Variants in PCYT1A observed in about 807,000 individuals in gnomAD.
PCYT1A encodes the protein choline-phosphate cytidylyltransferase A.
In PCYT1A, 25 loss-of-function variants were observed where a neutral mutation model predicts 43.7. The observed-to-expected ratio is 0.57, with a 90% confidence interval of 0.42 to 0.80. PCYT1A has a LOEUF of 0.80. Among genes scored for constraint, PCYT1A ranks in the 30% least tolerant of loss-of-function variants. The pLI is 0.00. For synonymous variants in PCYT1A, 172 were observed against 170.7 expected (o/e 1.01, Z -0.06); for missense variants, 421 against 474.2 (o/e 0.89, Z 1.04).
rs780568326 is a variant in PCYT1A at position 196,248,358 on chromosome 3, C to T, written c.218-35G>A. ...AATGAAAGAATTGATCACAAAAATA[C>T]CTTTTTTTTTGTCATTTTTATTTTT... On this transcript the variant is annotated intron_variant, in intron 3 of 8. Coordinates refer to ENST00000431016, the MANE Select transcript of PCYT1A (RefSeq NM_001312673.2). The T allele has an allele frequency of 1.3e-5, 17 of 1,267,970 alleles. 1 individual carries two copies. Among genetic ancestry groups the T allele is most frequent in the Non-Finnish European group, 2.0e-5 (17 of 868,732 alleles). The allele number at this position is 1,267,970 out of a possible 1,614,324, so 78.5% of individuals were successfully genotyped here. A position where few individuals can be genotyped will look rare whatever the true frequency, so the allele number is the denominator to read the frequency against.
chr3:196,276,938 A>G (rs1004573764), intron 1 of PCYT1A, among the ~76,000 whole-genome samples: 1 of 151,842 alleles, frequency 6.6e-6, no homozygotes, highest in African/African-American at 2.4e-5. Context: ...CCTTTCTCAA[A>G]AAAAAAAAAG....
At chr3:196,272,440 T>A (rs537163463) in intron 1 of PCYT1A, among the ~76,000 whole-genome samples, 1 of 152,328 alleles carries the variant, frequency 6.6e-6, no homozygotes, top group South Asian at 2.1e-4. Context: ...TGCCTCGTCC[T>A]CCAAAAGTGC....
intron 5 of PCYT1A, among the ~76,000 whole-genome samples, chr3:196,245,039 A>G (rs949390292): frequency 2.0e-5 from 3 of 152,178 alleles, no homozygotes; most frequent in South Asian, 2.1e-4. Context: ...CTATTGTCCT[A>G]TGACCCTGCC....
At position 196,282,381 on chromosome 3, in the gene PCYT1A, T is replaced by C. The variant is rs1476635193; in HGVS notation, c.-11+5234A>G. 6.6e-6 allele frequency among the ~76,000 whole-genome samples: 1 copy of C among 152,242 alleles called. No individual in the cohort carries two copies. Among genetic ancestry groups the C allele is most frequent in the Non-Finnish European group, 1.5e-5 (1 of 68,046 alleles). On this transcript the variant is annotated intron_variant, in intron 1 of 8. Transcript: ENST00000431016. This position sits in a 1 kb window ranked among gnomAD's most constrained non-coding sequence, Gnocchi z 4.3. ...AAACTCTTGTGTTTAGAATGTGATC[T>C]TCCTAGAGTGGGTTATGGAACTCAT...
At chr3:196,241,264 T>G (rs1724343093) in intron 7 of PCYT1A, among the ~76,000 whole-genome samples, 1 of 150,326 alleles carries the variant, frequency 6.7e-6, no homozygotes, top group African/African-American at 2.5e-5. Flanking sequence ...GCCACTGCAC[T>G]CCAGCCTCGG....
intron 5 of PCYT1A, among the ~76,000 whole-genome samples, chr3:196,246,207 C>A (rs577186888): frequency 1.3e-5 from 2 of 152,288 alleles, no homozygotes; most frequent in Non-Finnish European, 2.9e-5. Context: ...TTCAGGCCTA[C>A]CCACGTATTG....
chr3:196,279,116 G>A (rs766703678), intron 1 of PCYT1A, among the ~76,000 whole-genome samples: 3 of 151,446 alleles, frequency 2.0e-5, no homozygotes, highest in African/African-American at 7.3e-5. Context: ...GGTGAAGCCC[G>A]GTCTCTACTA....
chr3:196,258,757 T>C (rs1460705638), intron 2 of PCYT1A, among the ~76,000 whole-genome samples: 3 of 152,024 alleles, frequency 2.0e-5, no homozygotes, highest in Admixed American at 6.6e-5. Flanking sequence ...ACCCAGCTGA[T>C]TTTTTATTCT....
At chr3:196,253,336 C>CAAAAAAA (rs60342446) in intron 3 of PCYT1A, among the ~76,000 whole-genome samples, 5 of 105,988 alleles carry the variant, frequency 4.7e-5, no homozygotes, top group African/African-American at 1.4e-4. Context: ...GACTCTGTCT[C>CAAAAAAA]AAAAAAAAAA....
In PCYT1A at chr3:196,277,837, C is replaced by T. The variant is rs1304813653; in HGVS notation, c.-10-7296G>A. Among the ~76,000 whole-genome samples, 4 of 152,186 alleles carry T rather than the reference C, an allele frequency of 2.6e-5. No individual in the cohort carries two copies. Among genetic ancestry groups the T allele is most frequent in the African/African-American group, 7.2e-5 (3 of 41,452 alleles). On this transcript the variant is annotated intron_variant, in intron 1 of 8. Transcript: ENST00000431016. The surrounding 1 kb of genome is among the most constrained non-coding windows in gnomAD (Gnocchi z 4.1). ...AGTGAGCCTAAATCGCACGCCACTG[C>T]GCTCCAGCCTGGGCGACAGAGCGAG...
intron 2 of PCYT1A, among the ~76,000 whole-genome samples, chr3:196,265,053 T>A (rs1258791836): frequency 6.6e-6 from 1 of 151,458 alleles, no homozygotes; most frequent in Non-Finnish European, 1.5e-5. Flanking sequence ...TATTATTATT[T>A]TTATTTTATT....
rs901166934 is a variant in PCYT1A at position 196,242,406 on chromosome 3, G to A, written c.565+156C>T. 8.3e-6 allele frequency: 6 copies of A among 721,528 alleles called. No homozygotes were observed. Among genetic ancestry groups the A allele is most frequent in the Non-Finnish European group, 1.5e-5 (6 of 389,052 alleles). The allele number at this position is 721,528 out of a possible 1,614,324, so 44.7% of individuals were successfully genotyped here. ...CATGAACTGACGACAAAGAATTGAT[G>A]GGTGCTATGCTCATCTTTACCTTTT... On this transcript the variant is annotated intron_variant, in intron 6 of 8. Coordinates refer to ENST00000431016, the MANE Select transcript of PCYT1A (RefSeq NM_001312673.2). The surrounding 1 kb of genome is among the most constrained non-coding windows in gnomAD (Gnocchi z 4.2).
chr3:196,274,005 C>A (rs1324923866), intron 1 of PCYT1A, among the ~76,000 whole-genome samples: 2 of 152,252 alleles, frequency 1.3e-5, no homozygotes, highest in Non-Finnish European at 2.9e-5. Flanking sequence ...TTGGCGTCCC[C>A]TCCTGTGCTG....
At chr3:196,250,329 TGCTGAGGATCAGATACACTATGCTGAG>T (rs1724713241) in intron 3 of PCYT1A, among the ~76,000 whole-genome samples, 1 of 148,560 alleles carries the variant, frequency 6.7e-6, no homozygotes, top group African/African-American at 2.5e-5. Context: ...AGATACACTA[TGCTGAGGATCAGATACACTATGCTGAG>T]GCTGAGGATC....
chr3:196,264,710 T>C (rs543909919), intron 2 of PCYT1A, among the ~76,000 whole-genome samples: 2 of 152,000 alleles, frequency 1.3e-5, no homozygotes, highest in Admixed American at 1.3e-4. Context: ...ATACCTGGTA[T>C]CCTTCCTACT....
chr3:196,254,359 T>C (rs1007853226), intron 3 of PCYT1A, among the ~76,000 whole-genome samples: 1 of 151,772 alleles, frequency 6.6e-6, no homozygotes, highest in African/African-American at 2.4e-5. Context: ...TATTTATGTA[T>C]TTATTTATTT....
chr3:196,259,911 C>CTTTTT lies in PCYT1A; in HGVS notation c.118-2029_118-2025dup, dbSNP rs779918737. ...ACTTAATGATATAAATGGAAACATTCTTTTTTTTTTTTTTTTTTTTTTTTT... is the reference window on the plus strand; with the variant it reads ...ACTTAATGATATAAATGGAAACATTCTTTTTTTTTTTTTTTTTTTTTTTTTTTTTT... On this transcript the variant is annotated intron_variant, in intron 2 of 8. Transcript: ENST00000431016. Among the ~76,000 whole-genome samples, 49 of 48,968 alleles carry CTTTTT rather than the reference C, an allele frequency of 1.0e-3. 8 individuals are homozygous for CTTTTT. Among genetic ancestry groups the CTTTTT allele is most frequent in the African/African-American group, 1.5e-3 (19 of 12,548 alleles). The allele number at this position is 48,968 out of a possible 152,430, so 32.1% of individuals were successfully genotyped here. A position where few individuals can be genotyped will look rare whatever the true frequency, so the allele number is the denominator to read the frequency against.
At chr3:196,279,237 A>G (rs999858193) in intron 1 of PCYT1A, among the ~76,000 whole-genome samples, 1 of 150,212 alleles carries the variant, frequency 6.7e-6, no homozygotes, top group African/African-American at 2.4e-5. Flanking sequence ...GCAGTGAGCC[A>G]TGATCATACC....
chr3:196,283,763 A>C (rs1725831782), intron 1 of PCYT1A, among the ~76,000 whole-genome samples: 1 of 152,224 alleles, frequency 6.6e-6, no homozygotes, highest in African/African-American at 2.4e-5. Context: ...ACTTAGGGAA[A>C]AGGAGATGCC....
Sources: gnomAD v4.1 joint callset for allele counts (sites outside exome capture counted in the v4.1 genomes callset) on GRCh38, gnomAD v4.1.1 for gene constraint, Gnocchi (gnomAD v3.1) non-coding constraint, MANE v1.5 for transcripts, NCBI Gene and HGNC (gene_info 2026-07-23, HGNC 2026-07-21) for gene names.